ERLIN2: variants seen among roughly 807,000 people sequenced by gnomAD.
ERLIN2 encodes ER lipid raft associated 2.
Under a neutral mutation model 41.5 loss-of-function variants are expected in ERLIN2, and 22 were observed. That is an observed-to-expected ratio of 0.53 (90% CI 0.38 to 0.76). ERLIN2 has a LOEUF of 0.76. Ranked by LOEUF, ERLIN2 falls within the 30% of genes least tolerant of loss-of-function variation. The pLI is 0.00. For missense variants in ERLIN2, 247 were observed against 414.3 expected, an observed-to-expected ratio of 0.60 and a Z score of 3.51; for synonymous variants, 149 against 150.9, an observed-to-expected ratio of 0.99 and a Z score of 0.09.
In ERLIN2 at chr8:37,750,037, G is replaced by C. The variant is rs7820172; in HGVS notation, c.557+185G>C. 2,681 of 688,746 alleles carry C rather than the reference G, an allele frequency of 3.9e-3. 60 individuals are homozygous for C. In the African/African-American group the frequency reaches 0.041, roughly 10 times the overall value. 42.7% of individuals were successfully genotyped at this position (688,746 alleles called of 1,614,324 possible). ...GCCACCACTGGGGCTCCCTACCTGT[G>C]ATTGAGAACCCCAGGATAATCCCTG... On this transcript the variant is annotated intron_variant, in intron 8 of 11. Transcript: ENST00000519638.
At position 37,758,216 on chromosome 8, in the gene ERLIN2, T is replaced by C. The variant is rs1001004039; in HGVS notation, c.*4101T>C. ...TTTTTTTAACAGGGATCCCAAGCTT[T>C]TTCTATTGGTTTGAGAGCCTGCTAC... On this transcript the variant is annotated 3_prime_UTR_variant, in exon 12 of 12. Coordinates refer to ENST00000519638, the MANE Select transcript of ERLIN2 (RefSeq NM_007175.8). 2 of 152,184 alleles carry C rather than the reference T, an allele frequency of 1.3e-5. No homozygotes were observed. The highest frequency in any genetic ancestry group is 2.4e-5 in the African/African-American group (1 of 41,446). The allele number at this position is 152,184 out of a possible 1,614,324, so 9.4% of individuals were successfully genotyped here. A position where few individuals can be genotyped will look rare whatever the true frequency, so the allele number is the denominator to read the frequency against.
intron 6 of ERLIN2, chr8:37,745,414 C>T: frequency 1.4e-6 from 1 of 726,380 alleles, no homozygotes; most frequent in Non-Finnish European, 2.4e-6. Flanking sequence ...TAAAGGCAAC[C>T]TGACTTAGCA....
intron 2 of ERLIN2, among the ~76,000 whole-genome samples, chr8:37,739,756 G>A (rs139414142): frequency 7.9e-5 from 12 of 151,308 alleles, no homozygotes; most frequent in African/African-American, 2.2e-4. Context: ...GTGAGCCACC[G>A]CGCCTGGCCA....
Position 37,741,641 on chromosome 8 carries a change from G to A in ERLIN2, c.190-131G>A. ...CCTGTGAGGAAGGAGGATTAGGTGG[G>A]GTAATCATGTTTAATGAAGGCCATG... On this transcript the variant is annotated intron_variant, in intron 3 of 11. Transcript: ENST00000519638. The surrounding 1 kb of genome is among the most constrained non-coding windows in gnomAD (Gnocchi z 4.8). The A allele has an allele frequency of 2.6e-6, 2 of 760,032 alleles. No homozygotes were observed. The highest frequency in any genetic ancestry group is 5.3e-5 in the East Asian group (2 of 37,988). 47.1% of individuals were successfully genotyped at this position (760,032 alleles called of 1,614,324 possible). A position where few individuals can be genotyped will look rare whatever the true frequency, so the allele number is the denominator to read the frequency against.
rs770078414 is a variant in ERLIN2, at chr8:37,753,927, C to T, written c.832C>T (p.Pro278Ser). The stretch of plus-strand genomic sequence containing the variant: ...TTTTTTTTAACAGCTGAAGCTAACC[C>T]CTGAATATCTGCAGCTGATGAAGTA... ...IAEANKLKLT[P>S]EYLQLMKYKA... is the part of the protein sequence containing the mutation. The change falls in exon 12 of 12, where the codon CCT (proline) becomes TCT (serine). Residue 278 changes from proline to serine, a missense_variant. By Grantham distance (74) the Pro-to-Ser change is moderately conservative (BLOSUM62 -1). Coordinates refer to ENST00000519638, the MANE Select transcript of ERLIN2 (RefSeq NM_007175.8). The T allele has an allele frequency of 6.2e-7, 1 of 1,613,512 alleles. No individual in the cohort carries two copies. Among genetic ancestry groups the T allele is most frequent in the Non-Finnish European group, 8.5e-7 (1 of 1,179,730 alleles).
Position 37,754,232 on chromosome 8 carries a change from A to G in ERLIN2, c.*117A>G. 3 of 833,580 alleles carry G rather than the reference A, an allele frequency of 3.6e-6. No individual in the cohort carries two copies. The highest frequency in any genetic ancestry group is 2.7e-5 in the East Asian group (1 of 37,712). The allele number at this position is 833,580 out of a possible 1,614,324, so 51.6% of individuals were successfully genotyped here. On this transcript the variant is annotated 3_prime_UTR_variant, in exon 12 of 12. Transcript: ENST00000519638. ...TGACTGTCTTCCAGTTACTGTGGTG[A>G]AAAAGAAGAAATGAACTTAAATCCA...
chr8:37,743,330 A>T lies in ERLIN2; in HGVS notation c.237-1025A>T, dbSNP rs202035852. On this transcript the variant is annotated intron_variant, in intron 4 of 11. Transcript: ENST00000519638. ...TTTTCTCACCATTCTGAAGGCCCAA[A>T]GTCCAAGATCCGGGTAACAGCAGGG... Among the ~76,000 whole-genome samples the T allele has an allele frequency of 3.9e-5, 6 of 152,332 alleles. No homozygotes were observed. The East Asian group carries it at 9.6e-4, about 24-fold the overall frequency.
intron 6 of ERLIN2, chr8:37,745,100 G>T: frequency 1.9e-6 from 1 of 536,066 alleles, no homozygotes; most frequent in Non-Finnish European, 3.3e-6. Context: ...AAGCAAGAAA[G>T]TCACAGAGCC....
chr8:37,741,625 AAGG>A lies in ERLIN2; in HGVS notation c.190-142_190-140del. 1 of 727,678 alleles carries A rather than the reference AAGG, an allele frequency of 1.4e-6. No individual in the cohort carries two copies. The highest frequency in any genetic ancestry group is 2.5e-6 in the Non-Finnish European group (1 of 397,236). 45.1% of individuals were successfully genotyped at this position (727,678 alleles called of 1,614,324 possible). ...TACTTGGCTTAGCAACCCTGTGAGGAAGGAGGATTAGGTGGGGTAATCATGTTT... is the reference window on the plus strand; with the variant it reads ...TACTTGGCTTAGCAACCCTGTGAGGAAGGATTAGGTGGGGTAATCATGTTT... On this transcript the variant is annotated intron_variant, in intron 3 of 11. Coordinates refer to ENST00000519638, the MANE Select transcript of ERLIN2 (RefSeq NM_007175.8). This position sits in a 1 kb window ranked among gnomAD's most constrained non-coding sequence, Gnocchi z 4.8.
intron 6 of ERLIN2, chr8:37,747,793 G>A (rs1803105666): frequency 6.2e-7 from 1 of 1,613,466 alleles, no homozygotes; most frequent in South Asian, 1.1e-5. Flanking sequence ...TTCGTCTTCT[G>A]TGTTACAAAA....
rs760169548 is a variant in ERLIN2, at chr8:37,753,481, G to A, written c.771G>A (p.Lys257=). ...DAAFLAREKA[K]ADAECYTAMK... ...CATTTCTGGCCCGGGAGAAGGCAAAGGCAGATGCTGAGTGCTACACTGCTA... is the reference window on the plus strand; with the variant it reads ...CATTTCTGGCCCGGGAGAAGGCAAAAGCAGATGCTGAGTGCTACACTGCTA... Residue 257 remains lysine, a synonymous_variant, in exon 11 of 12, where the codon AAG becomes AAA. Transcript: ENST00000519638. 16 of 1,614,058 alleles carry A rather than the reference G, an allele frequency of 9.9e-6. No homozygotes were observed. Among genetic ancestry groups the A allele is most frequent in the Non-Finnish European group, 1.4e-5 (16 of 1,180,050 alleles).
intron 9 of ERLIN2, 105 bp downstream of exon 9, chr8:37,750,591 C>A: frequency 2.2e-6 from 2 of 905,252 alleles, no homozygotes; most frequent in Middle Eastern, 3.2e-4. Context: ...TCCTCCAAAC[C>A]ACTTCCACAG....
chr8:37,747,351 G>C (rs1461610849), intron 6 of ERLIN2: 1 of 1,317,842 alleles, frequency 7.6e-7, no homozygotes, highest in East Asian at 2.3e-5. Context: ...TGAACTGGTT[G>C]TCAATCAAGG....
Position 37,739,231 on chromosome 8 carries a change from T to A in ERLIN2, c.108-1134T>A, listed in dbSNP as rs564930740. Among the ~76,000 whole-genome samples the A allele has an allele frequency of 5.9e-5, 9 of 152,340 alleles. No individual in the cohort carries two copies. The South Asian group carries it at 1.7e-3, about 28-fold the overall frequency. On this transcript the variant is annotated intron_variant, in intron 2 of 11. Coordinates refer to ENST00000519638, the MANE Select transcript of ERLIN2 (RefSeq NM_007175.8). Reference sequence around the variant, plus strand: ...TCTCTCCTTTAATTCTTTCTCCCCATCATCTGCTTACATGTTCCCCAAAAA... The same window carrying A: ...TCTCTCCTTTAATTCTTTCTCCCCAACATCTGCTTACATGTTCCCCAAAAA...
At chr8:37,746,092 G>A (rs1426887757) in intron 6 of ERLIN2, 12 of 993,186 alleles carry the variant, frequency 1.2e-5, no homozygotes, top group African/African-American at 1.7e-5. Context: ...AAATATATTT[G>A]CTTTGAAACT....
Position 37,754,189 on chromosome 8 carries a change from C to G in ERLIN2, c.*74C>G, listed in dbSNP as rs112278207. On this transcript the variant is annotated 3_prime_UTR_variant, in exon 12 of 12. Coordinates refer to ENST00000519638, the MANE Select transcript of ERLIN2 (RefSeq NM_007175.8). ...TTAAGATGAATCAGAATGTTCCTCC[C>G]TCCCCGACTACCTTCTCTGACTGTC... The G allele has an allele frequency of 8.0e-3, 8,585 of 1,074,498 alleles. 497 individuals carry two copies. The African/African-American group carries it at 0.12, about 15-fold the overall frequency. 66.6% of individuals were successfully genotyped at this position (1,074,498 alleles called of 1,614,324 possible).
At chr8:37,737,741 AC>A (rs1174465078) in intron 1 of ERLIN2, 166 bp from the exon 2 acceptor site, 1 of 709,710 alleles carries the variant, frequency 1.4e-6, no homozygotes, top group African/African-American at 1.8e-5. Flanking sequence ...GGGAACGTTG[AC>A]TGAGAACGAG....
At chr8:37,738,105 A>T in intron 2 of ERLIN2, 76 bp downstream of exon 2, 1 of 1,544,144 alleles carries the variant, frequency 6.5e-7, no homozygotes, top group Non-Finnish European at 8.9e-7. Flanking sequence ...TTCCTAGCAG[A>T]TTCTGCTGAA....
chr8:37,737,944 G>A lies in ERLIN2; in HGVS notation c.22G>A (p.Val8Met), dbSNP rs773945506. Reference sequence around the variant, plus strand: ...ACTGATGGCTCAGTTGGGAGCAGTTGTGGCTGTGGCTTCCAGTTTCTTTTG... The same window carrying A: ...ACTGATGGCTCAGTTGGGAGCAGTTATGGCTGTGGCTTCCAGTTTCTTTTG... MAQLGAVVAVASSFFCAS... is the reference protein window; with the variant it reads MAQLGAVMAVASSFFCAS... Residue 8 changes from valine to methionine, a missense_variant, in exon 2 of 12, where the codon GTG (valine) becomes ATG (methionine). Val to Met is a conservative substitution (Grantham distance 21). Transcript: ENST00000519638. The A allele has an allele frequency of 1.2e-6, 2 of 1,614,192 alleles. No homozygotes were observed. The highest frequency in any genetic ancestry group is 2.2e-5 in the East Asian group (1 of 44,886).
Sources: allele counts gnomAD v4.1 joint callset (sites outside exome capture counted in the v4.1 genomes callset), GRCh38; gene constraint gnomAD v4.1.1; non-coding constraint Gnocchi (gnomAD v3.1); transcripts MANE v1.5; gene names NCBI Gene and HGNC (gene_info 2026-07-23, HGNC 2026-07-21).